The following DNAJC5B variants were observed in gnomAD, a reference collection of about 807,000 sequenced individuals.
The protein encoded by DNAJC5B is dnaJ homolog subfamily C member 5B.
Under a neutral mutation model 24.7 loss-of-function variants are expected in DNAJC5B, and 23 were observed. The observed-to-expected ratio is 0.93, with a 90% CI of 0.67 to 1.32. The LOEUF (loss-of-function observed/expected upper bound fraction) is 1.32, where lower values mean the gene tolerates loss of function less well. Ranked by LOEUF, DNAJC5B falls within the 40% of genes most tolerant of loss-of-function variation. DNAJC5B has a pLI of 0.00. For missense variants in DNAJC5B, 238 were observed against 240.8 expected (o/e 0.99, Z 0.08); for synonymous variants, 101 against 90.1 (o/e 1.12, Z -0.68).
At chr8:66,035,359 T>G (rs1806458500) in intron 1 of DNAJC5B, among the ~76,000 whole-genome samples, 1 of 152,240 alleles carries the variant, frequency 6.6e-6, no homozygotes, top group African/African-American at 2.4e-5. Flanking sequence ...TGGCCTTATT[T>G]CAAAGCAGGG....
chr8:66,062,099 A>G (rs1807095620), intron 3 of DNAJC5B, among the ~76,000 whole-genome samples: 1 of 152,272 alleles, frequency 6.6e-6, no homozygotes, highest in African/African-American at 2.4e-5. Context: ...CCTTGAGGGC[A>G]GACACTGTGC....
At chr8:66,033,962 T>C (rs998675930) in intron 1 of DNAJC5B, among the ~76,000 whole-genome samples, 1 of 152,126 alleles carries the variant, frequency 6.6e-6, no homozygotes, top group African/African-American at 2.4e-5. Flanking sequence ...ACGCTTGACC[T>C]GGGATGCTCA....
chr8:66,090,199 A>T (rs948702678), intron 5 of DNAJC5B, among the ~76,000 whole-genome samples: 1 of 151,750 alleles, frequency 6.6e-6, no homozygotes, highest in Non-Finnish European at 1.5e-5. Context: ...CTTGAGAGAG[A>T]GCCTTGTTTC....
At chr8:66,034,865 T>C (rs2128956924) in intron 1 of DNAJC5B, among the ~76,000 whole-genome samples, 1 of 152,258 alleles carries the variant, frequency 6.6e-6, no homozygotes, top group South Asian at 2.1e-4. Flanking sequence ...AGAAAACAGA[T>C]CTGCCTGGAC....
chr8:66,017,362 A>G (rs938241838), upstream of DNAJC5B, among the ~76,000 whole-genome samples: 1 of 152,224 alleles, frequency 6.6e-6, no homozygotes, highest in African/African-American at 2.4e-5. Flanking sequence ...GGTATATAGT[A>G]CTACCTTTGT....
At chr8:66,034,111 G>A (rs1806424687) in intron 1 of DNAJC5B, among the ~76,000 whole-genome samples, 1 of 151,990 alleles carries the variant, frequency 6.6e-6, no homozygotes, top group African/African-American at 2.4e-5. Context: ...CCAGGTGTGT[G>A]GGTCAAATGA....
At chr8:66,051,426 A>G in intron 2 of DNAJC5B, 105 bp from the exon 3 acceptor site, 1 of 717,826 alleles carries the variant, frequency 1.4e-6, no homozygotes, top group Non-Finnish European at 2.4e-6. Context: ...GTACACAAAT[A>G]TTCTTCAAAT....
intron 3 of DNAJC5B, among the ~76,000 whole-genome samples, chr8:66,055,180 C>T (rs932601947): frequency 6.6e-6 from 1 of 152,164 alleles, no homozygotes; most frequent in East Asian, 1.9e-4. Context: ...GTTTTAATGT[C>T]ATACAAATAT....
intron 3 of DNAJC5B, among the ~76,000 whole-genome samples, chr8:66,052,261 C>G (rs79160543): frequency 6.6e-6 from 1 of 151,664 alleles, no homozygotes; most frequent in African/African-American, 2.4e-5. Context: ...CCCTGCCAAT[C>G]GCTGTCATTT....
intron 3 of DNAJC5B, among the ~76,000 whole-genome samples, chr8:66,068,718 T>C (rs929809027): frequency 7.2e-5 from 11 of 152,122 alleles, no homozygotes; most frequent in Non-Finnish European, 1.3e-4. Flanking sequence ...TCATGAAAGA[T>C]ATTAAACCAC....
At chr8:66,045,547 CTCT>C in intron 2 of DNAJC5B, among the ~76,000 whole-genome samples, 1 of 152,188 alleles carries the variant, frequency 6.6e-6, no homozygotes, top group African/African-American at 2.4e-5. Context: ...ATCTATGAAA[CTCT>C]TCGAGAAATG....
chr8:66,059,159 C>G (rs949071759), intron 3 of DNAJC5B, among the ~76,000 whole-genome samples: 2 of 152,130 alleles, frequency 1.3e-5, no homozygotes, highest in African/African-American at 4.8e-5. Context: ...CATAATCATC[C>G]CAAAGGGGTT....
intron 2 of DNAJC5B, among the ~76,000 whole-genome samples, chr8:66,045,288 A>C (rs1003412191): frequency 6.6e-6 from 1 of 152,254 alleles, no homozygotes; most frequent in African/African-American, 2.4e-5. Flanking sequence ...TCTTCATTAA[A>C]AGATGTTGTC....
chr8:66,065,191 G>A (rs990837742), intron 3 of DNAJC5B, among the ~76,000 whole-genome samples: 5 of 152,180 alleles, frequency 3.3e-5, no homozygotes, highest in Admixed American at 6.5e-5. Context: ...CATCATCTAC[G>A]GTTCGTGTTG....
chr8:66,022,479 G>A lies in DNAJC5B; in HGVS notation c.-142+774G>A, dbSNP rs117470011. 2.2e-4 allele frequency among the ~76,000 whole-genome samples: 33 copies of A among 152,288 alleles called. No homozygotes were observed. The East Asian group carries it at 6.0e-3, about 28-fold the overall frequency. On this transcript the variant is annotated intron_variant, in intron 1 of 5. Transcript: ENST00000276570. Reference sequence around the variant, plus strand: ...AGCACAGGACAGCTCAGGCAGGCACGCTGAGCTCTGCCTGCAAGGTCAGAG... The same window carrying A: ...AGCACAGGACAGCTCAGGCAGGCACACTGAGCTCTGCCTGCAAGGTCAGAG...
upstream of DNAJC5B, among the ~76,000 whole-genome samples, chr8:66,019,365 AC>A (rs1404376703): frequency 8.5e-5 from 13 of 152,124 alleles, no homozygotes; most frequent in African/African-American, 3.1e-4. Flanking sequence ...TTTCCATTGA[AC>A]CTTTTATAGA....
chr8:66,099,989 G>A lies in DNAJC5B; in HGVS notation c.558G>A (p.Gln186=), dbSNP rs1808038996. ...CTACAAATGCAAATGAGAAAACACA[G>A]CTAATCAAAGAAGGATCTCGAAGTT... The part of the protein sequence containing the change: ...LQPTNANEKT[Q]LIKEGSRSYC... Residue 186 remains glutamine (Q), a synonymous_variant, in exon 6 of 6, where the codon CAG becomes CAA. Transcript: ENST00000276570. 2 of 1,614,008 alleles carry A rather than the reference G, an allele frequency of 1.2e-6. No individual in the cohort carries two copies. Among genetic ancestry groups the A allele is most frequent in the East Asian group, 2.2e-5 (1 of 44,876 alleles).
chr8:66,063,673 C>T (rs1807130933), intron 3 of DNAJC5B, among the ~76,000 whole-genome samples: 1 of 152,150 alleles, frequency 6.6e-6, no homozygotes, highest in East Asian at 1.9e-4. Context: ...TTCCTAGGTG[C>T]CAGAATCATT....
chr8:66,049,215 T>C (rs912066001), intron 2 of DNAJC5B, among the ~76,000 whole-genome samples: 14 of 152,232 alleles, frequency 9.2e-5, no homozygotes, highest in African/African-American at 3.4e-4. Flanking sequence ...AGTGACATCA[T>C]AGTTGTCATA....
Sources: allele counts gnomAD v4.1 joint callset (sites outside exome capture counted in the v4.1 genomes callset), GRCh38; gene constraint gnomAD v4.1.1; transcripts MANE v1.5; gene names NCBI Gene and HGNC (gene_info 2026-07-23, HGNC 2026-07-21).